Variants in ALDH18A1 observed in about 807,000 individuals in gnomAD.
ALDH18A1 encodes aldehyde dehydrogenase 18 family member A1, also known as delta-1-pyrroline-5-carboxylate synthase.
In ALDH18A1, 44 loss-of-function variants were observed where a neutral mutation model predicts 88.8. The ratio of observed to expected loss-of-function variants is 0.50; its 90% CI spans 0.39 to 0.64. The LOEUF (loss-of-function observed/expected upper bound fraction) is 0.64. ALDH18A1 is among the 30% of genes least tolerant of loss of function. The pLI is 0.00. For synonymous variants in ALDH18A1, 331 were observed against 372.1 expected (o/e 0.89, Z 1.27); for missense variants, 782 against 1,009.5 (o/e 0.77, Z 3.05).
chr10:95,608,971 G>A (rs1310350638), intron 17 of ALDH18A1, among the ~76,000 whole-genome samples: 1 of 152,162 alleles, frequency 6.6e-6, no homozygotes, highest in Non-Finnish European at 1.5e-5. Flanking sequence ...TGCCTCCCAG[G>A]TTCAAGCGAT....
chr10:95,626,829 G>A, intron 9 of ALDH18A1, 53 bp from the exon 10 acceptor site: 1 of 1,582,378 alleles, frequency 6.3e-7, no homozygotes, highest in Non-Finnish European at 8.7e-7. Flanking sequence ...TCTCTCTCTA[G>A]TTCTACTACT....
At position 95,636,971 on chromosome 10, in the gene ALDH18A1, C is replaced by T. The variant is rs1224598128; in HGVS notation, c.558+122G>A. ...CACAAAAAGGAAAAGAAACTTTCTTCAGATCTCAAGTAGCAAGTGATGAAG... is the reference window on the plus strand; with the variant it reads ...CACAAAAAGGAAAAGAAACTTTCTTTAGATCTCAAGTAGCAAGTGATGAAG... On this transcript the variant is annotated intron_variant, in intron 5 of 17. Transcript: ENST00000371224. The T allele has an allele frequency of 6.8e-5, 63 of 929,628 alleles. No homozygotes were observed. The East Asian group carries it at 1.6e-3, about 24-fold the overall frequency. 57.6% of individuals were successfully genotyped at this position (929,628 alleles called of 1,614,324 possible). A position where few individuals can be genotyped will look rare whatever the true frequency, so the allele number is the denominator to read the frequency against.
rs2097840411 is a variant in ALDH18A1, at chr10:95,614,038, T to C, written c.1729A>G (p.Met577Val). ...TGACAGATCCCTTCGCTGTGCCCCA[T>C]CACTGGAATCCCCTTAGCAGCTTTC... ...IQKAAKGIPVMGHSEGICHMY... is the reference protein window; with the variant it reads ...IQKAAKGIPVVGHSEGICHMY... Residue 577 changes from methionine to valine, a missense_variant, in exon 14 of 18, where the codon ATG (methionine) becomes GTG (valine). By Grantham distance (21) the Met-to-Val change is conservative. Around this residue, in one of 3 missense-constraint regions of ALDH18A1, gnomAD observed 556 missense variants for 654.5 expected, o/e 0.85. Transcript: ENST00000371224. The C allele has an allele frequency of 6.2e-7, 1 of 1,614,194 alleles. No homozygotes were observed. Among genetic ancestry groups the C allele is most frequent in the Non-Finnish European group, 8.5e-7 (1 of 1,180,034 alleles).
At chr10:95,636,443 G>A (rs2097880832) in intron 5 of ALDH18A1, among the ~76,000 whole-genome samples, 1 of 151,926 alleles carries the variant, frequency 6.6e-6, no homozygotes, top group Non-Finnish European at 1.5e-5. Flanking sequence ...AGGAGATTTA[G>A]GTAAAAATGA....
intron 5 of ALDH18A1, 116 bp downstream of exon 5, chr10:95,636,976 CT>C (rs2097881803): frequency 1.0e-6 from 1 of 964,234 alleles, no homozygotes; most frequent in African/African-American, 1.6e-5. Context: ...TTCTTCAGAT[CT>C]CAAGTAGCAA....
In ALDH18A1 at chr10:95,611,406, G is replaced by C; in HGVS notation, c.1960C>G (p.Leu654Val). The change falls in exon 16 of 18, where the codon CTG becomes GTG. Residue 654 changes from leucine (L) to valine (V), a missense_variant. Physicochemically the swap from Leu to Val is conservative, Grantham distance 32. This residue lies in a region of ALDH18A1 where 556 missense variants were observed against 654.5 expected (regional missense o/e 0.85). Coordinates refer to ENST00000371224, the MANE Select transcript of ALDH18A1 (RefSeq NM_002860.4). ...TTCACTTCGGAGGGGCTGAAGGTCA[G>C]ATAGGAGGCAAATTTGGGGCCTGCA... Reference protein sequence around the residue: ...IHAGPKFASYLTFSPSEVKSL... With the variant: ...IHAGPKFASYVTFSPSEVKSL... 6.2e-7 allele frequency: 1 copy of C among 1,614,240 alleles called. No individual in the cohort carries two copies. Among genetic ancestry groups the C allele is most frequent in the Non-Finnish European group, 8.5e-7 (1 of 1,180,036 alleles).
intron 11 of ALDH18A1, among the ~76,000 whole-genome samples, chr10:95,624,173 T>A (rs754902326): frequency 2.0e-4 from 30 of 152,348 alleles, no homozygotes; most frequent in Admixed American, 1.4e-3. Flanking sequence ...TTTTTGAGGA[T>A]AAATTCCCCG....
chr10:95,641,462 G>C (rs1283241831), intron 3 of ALDH18A1, among the ~76,000 whole-genome samples: 1 of 144,430 alleles, frequency 6.9e-6, no homozygotes, highest in African/African-American at 2.6e-5. Context: ...AATCTGGGAG[G>C]TGGGTTTGAT....
chr10:95,611,773 A>C (rs2097835129), intron 15 of ALDH18A1, among the ~76,000 whole-genome samples: 1 of 152,154 alleles, frequency 6.6e-6, no homozygotes, highest in East Asian at 1.9e-4. Flanking sequence ...GGAGTTCAAA[A>C]ACCAACCTGG....
At chr10:95,635,627 T>C (rs2097879140) in intron 5 of ALDH18A1, among the ~76,000 whole-genome samples, 1 of 152,156 alleles carries the variant, frequency 6.6e-6, no homozygotes. Flanking sequence ...AAATATTTTC[T>C]GTAGATATGA....
chr10:95,636,719 A>C (rs879835059), intron 5 of ALDH18A1, among the ~76,000 whole-genome samples: 6 of 152,240 alleles, frequency 3.9e-5, no homozygotes, highest in East Asian at 1.9e-4. Flanking sequence ...AGCCACCTGA[A>C]ATCAAAGAAG....
At chr10:95,632,424 G>A (rs1365806121) in intron 7 of ALDH18A1, among the ~76,000 whole-genome samples, 1 of 152,204 alleles carries the variant, frequency 6.6e-6, no homozygotes, top group Non-Finnish European at 1.5e-5. Flanking sequence ...GGAGTGCAGT[G>A]GCACGATAAC....
rs868313048 is a variant in ALDH18A1, at chr10:95,638,397, G to A, written c.304-961C>T. Among the ~76,000 whole-genome samples the A allele has an allele frequency of 3.9e-5, 6 of 152,258 alleles. No homozygotes were observed. The South Asian group carries it at 6.2e-4, about 16-fold the overall frequency. On this transcript the variant is annotated intron_variant, in intron 3 of 17. Coordinates refer to ENST00000371224, the MANE Select transcript of ALDH18A1 (RefSeq NM_002860.4). ...CATCTATAGGACTTGACTGTATTAG[G>A]TTGGTGCAAAAGTAATTGCAGTTTT...
At chr10:95,627,781 T>C (rs2097862541) in intron 8 of ALDH18A1, among the ~76,000 whole-genome samples, 195 bp from the exon 9 acceptor site, 1 of 152,252 alleles carries the variant, frequency 6.6e-6, no homozygotes, top group Non-Finnish European at 1.5e-5. Context: ...CCTGTGTTAC[T>C]TAAAGGTAAA....
intron 1 of ALDH18A1, among the ~76,000 whole-genome samples, chr10:95,655,038 A>C (rs2097915721): frequency 6.6e-6 from 1 of 152,154 alleles, no homozygotes; most frequent in Non-Finnish European, 1.5e-5. Context: ...TATGGCAAAA[A>C]CGATGAGGAA....
At chr10:95,624,682 C>T (rs905222088) in intron 11 of ALDH18A1, among the ~76,000 whole-genome samples, 1 of 152,148 alleles carries the variant, frequency 6.6e-6, no homozygotes, top group Non-Finnish European at 1.5e-5. Flanking sequence ...TAGGTGTTCA[C>T]AATGTGAATT....
Position 95,624,417 on chromosome 10 carries a change from G to A in ALDH18A1, c.1246+945C>T, listed in dbSNP as rs576026040. On this transcript the variant is annotated intron_variant, in intron 11 of 17. Coordinates refer to ENST00000371224, the MANE Select transcript of ALDH18A1 (RefSeq NM_002860.4). Reference sequence around the variant, plus strand: ...TTCCAGTTCTGAAAATCTATTTTACGTTTTGTAATACTATAAAAATGAGAT... The same window carrying A: ...TTCCAGTTCTGAAAATCTATTTTACATTTTGTAATACTATAAAAATGAGAT... Among the ~76,000 whole-genome samples the A allele has an allele frequency of 1.6e-4, 24 of 152,262 alleles. No homozygotes were observed. In the South Asian group the frequency reaches 1.7e-3, roughly 11 times the overall value.
chr10:95,619,841 GA>G (rs2097849488), intron 12 of ALDH18A1, among the ~76,000 whole-genome samples: 1 of 152,142 alleles, frequency 6.6e-6, no homozygotes, highest in Non-Finnish European at 1.5e-5. Flanking sequence ...AACCCTAGAA[GA>G]AAACCTAGGC....
intron 12 of ALDH18A1, among the ~76,000 whole-genome samples, 185 bp downstream of exon 12, chr10:95,620,846 G>A (rs933367370): frequency 1.3e-5 from 2 of 151,192 alleles, no homozygotes; most frequent in Non-Finnish European, 2.9e-5. Context: ...TGTAAATGAC[G>A]AGTTGATGGG....
Sources: allele counts gnomAD v4.1 joint callset (sites outside exome capture counted in the v4.1 genomes callset), GRCh38; gene constraint gnomAD v4.1.1; regional missense constraint gnomAD v4.1.1; transcripts MANE v1.5; gene names NCBI Gene and HGNC (gene_info 2026-07-23, HGNC 2026-07-21).